PRKDC: variants seen among roughly 807,000 people sequenced by gnomAD.
PRKDC encodes DNA-dependent protein kinase catalytic subunit.
Under a neutral mutation model 486.9 loss-of-function variants are expected in PRKDC, and 82 were observed. That is an observed-to-expected ratio of 0.17 (90% CI 0.14 to 0.20). The LOEUF is 0.20. PRKDC is among the 10% of genes least tolerant of loss of function. The pLI is 1.00. For synonymous variants in PRKDC, 1,895 were observed against 1,837.0 expected (o/e 1.03, Z -0.81); for missense variants, 4,504 against 5,038.2 (o/e 0.89, Z 3.21).
intron 26 of PRKDC, among the ~76,000 whole-genome samples, chr8:47,904,351 T>G (rs118057799): frequency 1.3e-5 from 2 of 152,188 alleles, no homozygotes; most frequent in Non-Finnish European, 2.9e-5. Context: ...GTCTCCCAGG[T>G]TGAAGCAATT....
At chr8:47,911,917 G>A (rs967299152) in intron 25 of PRKDC, among the ~76,000 whole-genome samples, 7 of 151,888 alleles carry the variant, frequency 4.6e-5, no homozygotes, top group South Asian at 4.1e-4. Flanking sequence ...TTACAGATGC[G>A]CACCACCACG....
intron 14 of PRKDC, among the ~76,000 whole-genome samples, 154 bp downstream of exon 14, chr8:47,934,855 G>T (rs2090321380): frequency 6.6e-6 from 1 of 152,148 alleles, no homozygotes; most frequent in African/African-American, 2.4e-5. Flanking sequence ...AAAATATAGA[G>T]GTATTATGTC....
chr8:47,840,132 T>A lies in PRKDC; in HGVS notation c.7338A>T (p.Leu2446Phe). 6.3e-7 allele frequency: 1 copy of A among 1,599,560 alleles called. No individual in the cohort carries two copies. Among genetic ancestry groups the A allele is most frequent in the Non-Finnish European group, 8.5e-7 (1 of 1,171,776 alleles). The change falls in exon 55 of 86, where the codon TTA becomes TTT. Residue 2446 changes from leucine (L) to phenylalanine (F), a missense_variant. By Grantham distance (22) the Leu-to-Phe change is conservative. Around this residue, in one of 6 missense-constraint regions of PRKDC, gnomAD observed 1,592 missense variants for 1,724.6 expected, o/e 0.92. Transcript: ENST00000314191. ...GAAGTTCTCGGAGTTCTACTGGTTT[T>A]AACTTTGGCATCATCTTATAAATTA... is the stretch of plus-strand genomic sequence containing the variant. ...LDIIYKMMPK[L>F]KPVELRELLN... is the part of the protein sequence containing the mutation.
chr8:47,849,071 G>A (rs2088341524), intron 54 of PRKDC, 83 bp downstream of exon 54: 9 of 1,504,894 alleles, frequency 6.0e-6, no homozygotes, highest in Non-Finnish European at 7.2e-6. Flanking sequence ...AAACCCACAG[G>A]TTCTTCTTGA....
chr8:47,897,287 G>A lies in PRKDC; in HGVS notation c.3472C>T (p.Pro1158Ser), dbSNP rs1423335316. 17 of 1,590,082 alleles carry A rather than the reference G, an allele frequency of 1.1e-5. No individual in the cohort carries two copies. Among genetic ancestry groups the A allele is most frequent in the Non-Finnish European group, 1.5e-5 (17 of 1,161,948 alleles). Residue 1158 changes from proline to serine, a missense_variant, in exon 30 of 86, where the codon CCA (proline) becomes TCA (serine). Coordinates refer to ENST00000314191, the MANE Select transcript of PRKDC (RefSeq NM_006904.7). ...AKKRRLPRGF[P>S]PSASLCLLDL... ...AATAAACACAATGATGCGGAAGGTG[G>A]AAATCCTCTGCACAGAGACAGCATA...
intron 78 of PRKDC, among the ~76,000 whole-genome samples, 160 bp downstream of exon 78, chr8:47,783,582 T>A (rs544992899): frequency 6.6e-6 from 1 of 151,352 alleles, no homozygotes; most frequent in African/African-American, 2.4e-5. Context: ...AGGGCAAGAC[T>A]CCGTCTCAAA....
At chr8:47,879,834 CTTTT>C (rs759336069) in intron 38 of PRKDC, among the ~76,000 whole-genome samples, 176 bp from the exon 39 acceptor site, 4 of 99,200 alleles carry the variant, frequency 4.0e-5, no homozygotes, top group East Asian at 3.4e-4. Context: ...TATACCTCAG[CTTTT>C]TTTTTTTTTT....
chr8:47,924,728 C>T (rs1019128247), intron 21 of PRKDC, among the ~76,000 whole-genome samples: 2 of 152,204 alleles, frequency 1.3e-5, no homozygotes, highest in Non-Finnish European at 2.9e-5. Flanking sequence ...GTTCTATTTT[C>T]ACATTTATTT....
At chr8:47,941,971 G>C (rs2090452605) in intron 10 of PRKDC, among the ~76,000 whole-genome samples, 1 of 152,242 alleles carries the variant, frequency 6.6e-6, no homozygotes, top group Non-Finnish European at 1.5e-5. Context: ...CAGCGCAGTG[G>C]AGGGAGGGCT....
chr8:47,848,119 C>T (rs1176724268), intron 54 of PRKDC, among the ~76,000 whole-genome samples: 1 of 152,154 alleles, frequency 6.6e-6, no homozygotes. Flanking sequence ...TCATTTGATC[C>T]AGCAATCCCA....
Position 47,858,596 on chromosome 8 carries a change from G to A in PRKDC, c.6385C>T (p.Leu2129Phe), listed in dbSNP as rs758819988. ...ATTGGATTTCCCAGTTTGCCATGGA[G>A]GAATTTCATCCAAGAAGGAAGATCT... is the stretch of plus-strand genomic sequence containing the variant. ...PRDLPSWMKF[L>F]HGKLGNPIVP... Residue 2129 changes from leucine to phenylalanine, a missense_variant, in exon 48 of 86, where the codon CTC becomes TTC. Physicochemically the swap from Leu to Phe is conservative, Grantham distance 22 (BLOSUM62 0). This residue lies in a region of PRKDC where 1,592 missense variants were observed against 1,724.6 expected (regional missense o/e 0.92). Coordinates refer to ENST00000314191, the MANE Select transcript of PRKDC (RefSeq NM_006904.7). 4.4e-5 allele frequency: 68 copies of A among 1,557,776 alleles called. 1 individual carries two copies. The highest frequency in any genetic ancestry group is 5.6e-5 in the Non-Finnish European group (65 of 1,153,542).
chr8:47,933,354 A>G (rs1028852766), intron 15 of PRKDC, among the ~76,000 whole-genome samples, 182 bp from the exon 16 acceptor site: 10 of 152,242 alleles, frequency 6.6e-5, no homozygotes, highest in African/African-American at 2.4e-4. Flanking sequence ...CTAAATTATT[A>G]TAACAGCATC....
chr8:47,918,424 T>C (rs2090023059), intron 21 of PRKDC, 41 bp from the exon 22 acceptor site: 2 of 1,235,358 alleles, frequency 1.6e-6, no homozygotes, highest in African/African-American at 1.5e-5. Flanking sequence ...ATAGCACTCA[T>C]TCATTCATTT....
At chr8:47,896,375 C>T (rs2089581397) in intron 30 of PRKDC, among the ~76,000 whole-genome samples, 1 of 151,908 alleles carries the variant, frequency 6.6e-6, no homozygotes, top group Non-Finnish European at 1.5e-5. Flanking sequence ...AGGCCAGGTG[C>T]AGTGGCTGAC....
intron 40 of PRKDC, among the ~76,000 whole-genome samples, chr8:47,869,313 G>C (rs761942741): frequency 1.3e-5 from 2 of 151,492 alleles, no homozygotes; most frequent in Non-Finnish European, 2.9e-5. Context: ...ACTTTGTCTT[G>C]CAACTGGGAT....
intron 1 of PRKDC, among the ~76,000 whole-genome samples, chr8:47,959,505 C>G (rs1331221935): frequency 1.3e-5 from 2 of 151,754 alleles, no homozygotes; most frequent in East Asian, 1.9e-4. Context: ...GGTGAAACCC[C>G]ATCTCTACTA....
chr8:47,854,315 C>G, intron 50 of PRKDC, 101 bp from the exon 51 acceptor site: 1 of 1,380,440 alleles, frequency 7.2e-7, no homozygotes, highest in Non-Finnish European at 1.0e-6. Flanking sequence ...CAGAGTCTGA[C>G]TCTCGCCCAG....
chr8:47,820,872 C>T lies in PRKDC; in HGVS notation c.9183G>A (p.Leu3061=). ...LLLQGEADQS[L]LTFIDKAMHG... The stretch of plus-strand genomic sequence containing the variant: ...GCATAGCTTTGTCAATAAATGTCAG[C>T]AGGGACTGGTCAGCCTCTCCCTGGA... Residue 3061 remains leucine (L), a synonymous_variant, in exon 66 of 86, where the codon CTG becomes CTA. Transcript: ENST00000314191. The T allele has an allele frequency of 1.2e-6, 2 of 1,611,084 alleles. No homozygotes were observed. The highest frequency in any genetic ancestry group is 1.3e-5 in the African/African-American group (1 of 74,998).
rs1415096551 is a variant in PRKDC at position 47,803,369 on chromosome 8, G to A, written c.9859C>T (p.Arg3287Trp). The A allele has an allele frequency of 1.3e-5, 21 of 1,613,868 alleles. No homozygotes were observed. The East Asian group carries it at 1.6e-4, about 12-fold the overall frequency. Residue 3287 changes from arginine to tryptophan, a missense_variant, in exon 70 of 86, where the codon CGG (arginine) becomes TGG (tryptophan). Physicochemically the swap from Arg to Trp is moderately radical, Grantham distance 101. This residue lies in a region of PRKDC where 1,592 missense variants were observed against 1,724.6 expected (regional missense o/e 0.92). Transcript: ENST00000314191. ...VQSYCRLSHC[R>W]SRSQGCSEQV... ...TCAGAGCAGCCCTGGGACCGGCTCC[G>A]GCAGTGGCTCAGGCGGCAGTAGCTC...
Sources: allele counts gnomAD v4.1 joint callset (sites outside exome capture counted in the v4.1 genomes callset), GRCh38; gene constraint gnomAD v4.1.1; regional missense constraint gnomAD v4.1.1; transcripts MANE v1.5; gene names NCBI Gene and HGNC (gene_info 2026-07-23, HGNC 2026-07-21).